The following UMOD variants were observed in gnomAD, a reference collection of about 807,000 sequenced individuals.
UMOD encodes uromodulin, also known as Tamm-Horsfall urinary glycoprotein.
UMOD carries 64 observed loss-of-function variants against 66.0 expected under a neutral mutation model. The observed-to-expected ratio is 0.97, with a 90% CI of 0.79 to 1.19. The LOEUF (loss-of-function observed/expected upper bound fraction) is 1.19, where lower values mean the gene tolerates loss of function less well. Among genes scored for constraint, UMOD ranks in the 50% most tolerant of loss-of-function variants. The pLI is 0.00. For synonymous variants in UMOD, 398 were observed against 352.7 expected (o/e 1.13, Z -1.44); for missense variants, 764 against 850.9 (o/e 0.90, Z 1.27).
At chr16:20,340,599 A>G (rs537297211) in intron 7 of UMOD, among the ~76,000 whole-genome samples, 4 of 152,170 alleles carry the variant, frequency 2.6e-5, no homozygotes, top group East Asian at 3.9e-4. Context: ...ACTGATGACT[A>G]TAAATGGCTT....
intron 1 of UMOD, among the ~76,000 whole-genome samples, chr16:20,351,862 A>G (rs951973370): frequency 1.3e-5 from 2 of 151,984 alleles, no homozygotes; most frequent in African/African-American, 4.8e-5. Context: ...TAATAAAAAT[A>G]CAAAAATTAG....
upstream of UMOD, among the ~76,000 whole-genome samples, chr16:20,353,551 T>C (rs1172369194): frequency 1.3e-5 from 2 of 152,188 alleles, no homozygotes; most frequent in Non-Finnish European, 2.9e-5. Flanking sequence ...ATTATATTCA[T>C]GGAAGTAGTG....
rs560744128 is a variant in UMOD, at chr16:20,344,071, G to A, written c.1284C>T (p.Pro428=). ...NIKINFACSY[P]LDMKVSLKTA... ...TCTTCAGGCTGACTTTCATGTCCAG[G>A]GGGTAGGAGCATGCAAAGTTGATTT... Residue 428 remains proline, a synonymous_variant, in exon 6 of 11, where the codon CCC becomes CCT. Transcript: ENST00000396138. 9.3e-6 allele frequency: 15 copies of A among 1,614,016 alleles called. No homozygotes were observed. The African/African-American group carries it at 9.3e-5, about 10-fold the overall frequency.
At chr16:20,337,529 T>C in intron 7 of UMOD, 76 bp from the exon 8 acceptor site, 1 of 1,583,900 alleles carries the variant, frequency 6.3e-7, no homozygotes, top group Non-Finnish European at 8.7e-7. Flanking sequence ...ATTCAAATAT[T>C]GCTCTGTCAC....
chr16:20,333,187 G>T lies in UMOD; in HGVS notation c.*127C>A. ...TCTCGACAGCCAGGATTAAAAGGGA[G>T]AAAAGAAGGCAGGCTGAACAAAGCA... On this transcript the variant is annotated 3_prime_UTR_variant, in exon 11 of 11. Coordinates refer to ENST00000396138, the MANE Select transcript of UMOD (RefSeq NM_003361.4). The T allele has an allele frequency of 1.0e-6, 1 of 996,844 alleles. No homozygotes were observed. 61.7% of individuals were successfully genotyped at this position (996,844 alleles called of 1,614,324 possible).
At chr16:20,355,564 A>G (rs2141692090), upstream of UMOD, among the ~76,000 whole-genome samples, 1 of 150,592 alleles carries the variant, frequency 6.6e-6, no homozygotes, top group East Asian at 1.9e-4. Context: ...ACAGGTGCAT[A>G]CCACCATGCC....
intron 4 of UMOD, among the ~76,000 whole-genome samples, chr16:20,346,585 G>C (rs1965598952): frequency 6.6e-6 from 1 of 152,178 alleles, no homozygotes; most frequent in Admixed American, 6.5e-5. Flanking sequence ...ATGCAGGACG[G>C]TTTTGGGGGG....
At chr16:20,346,064 G>T in intron 5 of UMOD, 62 bp downstream of exon 5, 2 of 1,488,578 alleles carry the variant, frequency 1.3e-6, no homozygotes, top group Non-Finnish European at 1.9e-6. Flanking sequence ...ACTAGGAAGT[G>T]ATAGAGCTGA....
At chr16:20,341,749 G>A (rs74839510) in intron 6 of UMOD, among the ~76,000 whole-genome samples, 1,530 of 152,328 alleles carry the variant, frequency 0.01, 28 homozygotes, top group African/African-American at 0.035. Context: ...TCCTTCTTTG[G>A]TCTCAATCTA....
intron 5 of UMOD, among the ~76,000 whole-genome samples, chr16:20,344,639 C>T (rs1208186360): frequency 1.3e-5 from 2 of 151,648 alleles, no homozygotes; most frequent in East Asian, 3.9e-4. Flanking sequence ...TTAAAAACTC[C>T]CTGTGCAGCC....
chr16:20,351,099 G>A (rs1965868300), intron 1 of UMOD: 1 of 355,508 alleles, frequency 2.8e-6, no homozygotes, highest in Non-Finnish European at 5.5e-6. Context: ...GGAGCAGGAA[G>A]TAGCCAGATG....
At chr16:20,349,800 C>T (rs1965802703) in intron 2 of UMOD, 1 of 1,550,108 alleles carries the variant, frequency 6.5e-7, no homozygotes. Flanking sequence ...TTCATCAGGA[C>T]CCTGCTCAGT....
Position 20,350,694 on chromosome 16 carries a change from G to GCCA in UMOD, c.41_43dup (p.Val14dup). 1 of 1,614,098 alleles carries GCCA rather than the reference G, an allele frequency of 6.2e-7. No individual in the cohort carries two copies. The highest frequency in any genetic ancestry group is 8.5e-7 in the Non-Finnish European group (1 of 1,180,016). On this transcript the variant is annotated inframe_insertion, in exon 2 of 11. Transcript: ENST00000396138. Reference sequence around the variant, plus strand: ...GGCTGCAGTTGTGATGAACCAAGAGGCCACCACCACCATCAGCATCCAAGT... The same window carrying GCCA: ...GGCTGCAGTTGTGATGAACCAAGAGGCCACCACCACCACCATCAGCATCCAAGT...
At position 20,348,796 on chromosome 16, in the gene UMOD, C is replaced by A. The variant is rs758792819; in HGVS notation, c.505G>T (p.Val169Leu). ...TGCGCCTGGCACGGATCCGCGCACA[C>A]GAGCGCGTCGCCCTCGGGCACGCAG... ...LDCVPEGDAL[V>L]CADPCQAHRT... The change falls in exon 3 of 11, where the codon GTG becomes TTG. Residue 169 changes from valine (V) to leucine (L), a missense_variant. By Grantham distance (32) the Val-to-Leu change is conservative. Transcript: ENST00000396138. The A allele has an allele frequency of 6.5e-7, 1 of 1,544,560 alleles. No homozygotes were observed. Among genetic ancestry groups the A allele is most frequent in the East Asian group, 2.4e-5 (1 of 40,876 alleles).
At chr16:20,345,212 C>T (rs1315827072) in intron 5 of UMOD, among the ~76,000 whole-genome samples, 1 of 152,120 alleles carries the variant, frequency 6.6e-6, no homozygotes, top group Non-Finnish European at 1.5e-5. Context: ...AGGGGTTTCT[C>T]TGTGTTGGCC....
intron 7 of UMOD, among the ~76,000 whole-genome samples, chr16:20,338,973 C>A (rs1965036158): frequency 6.6e-6 from 1 of 152,144 alleles, no homozygotes; most frequent in Non-Finnish European, 1.5e-5. Flanking sequence ...ATTGGCCAGG[C>A]CAGTCTTGAC....
In UMOD at chr16:20,333,261, G is replaced by T; in HGVS notation, c.*53C>A. The T allele has an allele frequency of 6.4e-7, 1 of 1,571,108 alleles. No individual in the cohort carries two copies. Among genetic ancestry groups the T allele is most frequent in the Non-Finnish European group, 8.7e-7 (1 of 1,146,628 alleles). On this transcript the variant is annotated 3_prime_UTR_variant, in exon 11 of 11. Transcript: ENST00000396138. ...AGCACTGGCCCGCATCATGCCCCCT[G>T]CCCAGCAGGAGGTGAGATGGCAGCC...
Position 20,337,359 on chromosome 16 carries a change from T to C in UMOD, c.1672A>G (p.Asn558Asp). The C allele has an allele frequency of 3.7e-6, 6 of 1,614,212 alleles. No individual in the cohort carries two copies. The highest frequency in any genetic ancestry group is 5.1e-6 in the Non-Finnish European group (6 of 1,180,044). Reference protein sequence around the residue: ...FSVQMFRFAGNYDLVYLHCEV... With the variant: ...FSVQMFRFAGDYDLVYLHCEV... Reference sequence around the variant, plus strand: ...CAGTGCAGGTAGACTAGGTCATAGTTTCCAGCAAACCGGAACATCTGGACG... The same window carrying C: ...CAGTGCAGGTAGACTAGGTCATAGTCTCCAGCAAACCGGAACATCTGGACG... The change falls in exon 8 of 11, where the codon AAC becomes GAC. Residue 558 changes from asparagine to aspartate, a missense_variant. Coordinates refer to ENST00000396138, the MANE Select transcript of UMOD (RefSeq NM_003361.4).
chr16:20,348,676 C>CCTGG lies in UMOD; in HGVS notation c.621_624dup (p.Gly209ProfsTer91). On this transcript the variant is annotated frameshift_variant, in exon 3 of 11. Coordinates refer to ENST00000396138, the MANE Select transcript of UMOD (RefSeq NM_003361.4). LOFTEE classifies it high-confidence loss of function. The stretch of plus-strand genomic sequence containing the variant: ...CAGGTCTCGGCCATGCGCGCACCGC[C>CCTGG]CTGGCCCACGAAGCGGTACCAGCCG... 1 of 1,555,850 alleles carries CCTGG rather than the reference C, an allele frequency of 6.4e-7. No homozygotes were observed. Among genetic ancestry groups the CCTGG allele is most frequent in the Non-Finnish European group, 8.7e-7 (1 of 1,152,996 alleles).
Sources: gnomAD v4.1 joint callset for allele counts (sites outside exome capture counted in the v4.1 genomes callset) on GRCh38, gnomAD v4.1.1 for gene constraint, MANE v1.5 for transcripts, NCBI Gene and HGNC (gene_info 2026-07-23, HGNC 2026-07-21) for gene names.